Variants in HUNK observed in about 807,000 individuals in gnomAD.
HUNK encodes hormonally up-regulated Neu-associated kinase.
In HUNK, 21 loss-of-function variants were observed where a neutral mutation model predicts 61.0. The ratio of observed to expected loss-of-function variants is 0.34; its 90% CI spans 0.24 to 0.50. The LOEUF (loss-of-function observed/expected upper bound fraction) is 0.50, where lower values mean the gene tolerates loss of function less well. HUNK is among the 20% of genes least tolerant of loss of function. The pLI, the probability that HUNK is intolerant of heterozygous loss-of-function variation, is 0.98. For missense variants in HUNK, 772 were observed against 945.7 expected (o/e 0.82, Z 2.41); for synonymous variants, 371 against 386.1 (o/e 0.96, Z 0.46).
chr21:31,981,874 A>G (rs1282032471), intron 7 of HUNK, among the ~76,000 whole-genome samples: 1 of 152,056 alleles, frequency 6.6e-6, no homozygotes, highest in East Asian at 1.9e-4. Flanking sequence ...TATTTAGTTT[A>G]ACAATTTCCC....
At chr21:31,900,534 C>T (rs949588352) in intron 1 of HUNK, among the ~76,000 whole-genome samples, 2 of 151,794 alleles carry the variant, frequency 1.3e-5, no homozygotes, top group African/African-American at 4.8e-5. Flanking sequence ...TTGACAGACT[C>T]GGTAGAATGC....
rs112917962 is a variant in HUNK at position 31,935,921 on chromosome 21, C to T, written c.555-4244C>T. 3.0e-4 allele frequency among the ~76,000 whole-genome samples: 46 copies of T among 152,154 alleles called. No individual in the cohort carries two copies. In the East Asian group the frequency reaches 7.7e-3, roughly 26 times the overall value. The stretch of plus-strand genomic sequence containing the variant: ...GCAACCTCCGCCTCCCGGGTTCAGG[C>T]GAGTAGCTGGGATTACAGGTGTGTG... On this transcript the variant is annotated intron_variant, in intron 2 of 10. Coordinates refer to ENST00000270112, the MANE Select transcript of HUNK (RefSeq NM_014586.2).
At chr21:31,949,787 C>T (rs952359589) in intron 4 of HUNK, among the ~76,000 whole-genome samples, 5 of 152,166 alleles carry the variant, frequency 3.3e-5, no homozygotes, top group African/African-American at 9.7e-5. Flanking sequence ...GGCCCCAGGC[C>T]GCTTCCACTC....
chr21:31,966,472 A>C, intron 5 of HUNK, among the ~76,000 whole-genome samples: 1 of 152,114 alleles, frequency 6.6e-6, no homozygotes, highest in Middle Eastern at 3.2e-3. Context: ...ATTGAAAGGG[A>C]GATGACCTGG....
intron 2 of HUNK, among the ~76,000 whole-genome samples, chr21:31,927,899 C>A (rs372268281): frequency 6.6e-6 from 1 of 152,196 alleles, no homozygotes; most frequent in South Asian, 2.1e-4. Flanking sequence ...TCTTCACATA[C>A]GTATTCTTAG....
chr21:31,878,856 T>G (rs900988402), intron 1 of HUNK, among the ~76,000 whole-genome samples: 1 of 152,230 alleles, frequency 6.6e-6, no homozygotes, highest in Non-Finnish European at 1.5e-5. Context: ...TCCATGCCAC[T>G]GTTACCTTTT....
At position 31,995,364 on chromosome 21, in the gene HUNK, A is replaced by C. The variant is rs143252871; in HGVS notation, c.1306-404A>C. Among the ~76,000 whole-genome samples, 35 of 152,336 alleles carry C rather than the reference A, an allele frequency of 2.3e-4. No individual in the cohort carries two copies. In the East Asian group the frequency reaches 6.0e-3, roughly 26 times the overall value. ...TAGAACCTGATGTGAAGGTGGAAGC[A>C]GTTATGTTTCCAGTTGCCTTTGCAA... On this transcript the variant is annotated intron_variant, in intron 9 of 10. Transcript: ENST00000270112.
At chr21:31,920,435 T>G (rs1437065650) in intron 1 of HUNK, among the ~76,000 whole-genome samples, 1 of 152,228 alleles carries the variant, frequency 6.6e-6, no homozygotes, top group Non-Finnish European at 1.5e-5. Context: ...CTGCTGGGCC[T>G]TTAGACTTGT....
intron 7 of HUNK, 134 bp from the exon 8 acceptor site, chr21:31,983,392 T>G: frequency 1.5e-6 from 1 of 688,860 alleles, no homozygotes; most frequent in South Asian, 1.8e-5. Flanking sequence ...TGAGACTTGA[T>G]GTTGCAATTT....
Position 31,990,162 on chromosome 21 carries a change from T to G in HUNK, c.1291T>G (p.Phe431Val). ...SLDTWTRDLE[F>V]HAVQDKKPKE... ...GGACACCTGGACACGAGATCTTGAA[T>G]TCCATGCCGTGCAGGTAAGAACTTG... The change falls in exon 9 of 11, where the codon TTC (phenylalanine) becomes GTC (valine). Residue 431 changes from phenylalanine (F) to valine (V), a missense_variant. This residue lies in a region of HUNK where 413 missense variants were observed against 444.4 expected (regional missense o/e 0.93). Coordinates refer to ENST00000270112, the MANE Select transcript of HUNK (RefSeq NM_014586.2). The G allele has an allele frequency of 6.2e-7, 1 of 1,613,916 alleles. No homozygotes were observed. Among genetic ancestry groups the G allele is most frequent in the Non-Finnish European group, 8.5e-7 (1 of 1,179,836 alleles).
chr21:31,939,978 T>C lies in HUNK; in HGVS notation c.555-187T>C, dbSNP rs538578582. ...GTCTGAAATTCTTCAGCTTTTATAG[T>C]CTACAGCAATTAATTATTAATATAT... On this transcript the variant is annotated intron_variant, in intron 2 of 10. Transcript: ENST00000270112. 7.2e-5 allele frequency among the ~76,000 whole-genome samples: 11 copies of C among 152,262 alleles called. No individual in the cohort carries two copies. In the South Asian group the frequency reaches 2.3e-3, roughly 32 times the overall value.
rs1293067389 is a variant in HUNK, at chr21:31,999,310, C to T, written c.*126C>T. 4.6e-6 allele frequency: 4 copies of T among 863,568 alleles called. No homozygotes were observed. In the East Asian group the frequency reaches 7.9e-5, roughly 17 times the overall value. The allele number at this position is 863,568 out of a possible 1,614,324, so 53.5% of individuals were successfully genotyped here. A position where few individuals can be genotyped will look rare whatever the true frequency, so the allele number is the denominator to read the frequency against. ...TCCTTAGTCCCACCTGTAGCTGAAT[C>T]CACAGACCCAAAGCCTGCACAACCC... On this transcript the variant is annotated 3_prime_UTR_variant, in exon 11 of 11. Transcript: ENST00000270112.
chr21:31,898,326 C>T (rs2052439866), intron 1 of HUNK, among the ~76,000 whole-genome samples: 2 of 152,246 alleles, frequency 1.3e-5, no homozygotes, highest in African/African-American at 2.4e-5. Context: ...AGTGCAATGG[C>T]GCGATCTCGG....
chr21:31,896,317 C>T (rs1013125459), intron 1 of HUNK, among the ~76,000 whole-genome samples: 2 of 152,192 alleles, frequency 1.3e-5, no homozygotes, highest in African/African-American at 4.8e-5. Context: ...TGCCGGGAAA[C>T]TTCACCTGAT....
intron 1 of HUNK, among the ~76,000 whole-genome samples, chr21:31,915,517 T>C (rs969935110): frequency 3.3e-5 from 5 of 152,226 alleles, no homozygotes; most frequent in African/African-American, 1.2e-4. Context: ...AAAACACATA[T>C]GTATATTTCT....
At chr21:31,952,429 C>T (rs2052856764) in intron 4 of HUNK, among the ~76,000 whole-genome samples, 1 of 152,210 alleles carries the variant, frequency 6.6e-6, no homozygotes. Context: ...CTCCTGTCCA[C>T]ATGCCCCTTA....
At chr21:31,912,093 G>A (rs1482284950) in intron 1 of HUNK, among the ~76,000 whole-genome samples, 2 of 152,086 alleles carry the variant, frequency 1.3e-5, no homozygotes, top group African/African-American at 4.8e-5. Context: ...GAAACACCTG[G>A]GATTGGGGTT....
chr21:31,941,759 C>T (rs768096041), intron 3 of HUNK, among the ~76,000 whole-genome samples: 2 of 152,066 alleles, frequency 1.3e-5, no homozygotes, highest in African/African-American at 4.8e-5. Flanking sequence ...AACAAAGGGG[C>T]CTCCTGGTGT....
chr21:31,919,651 T>C (rs532731508), intron 1 of HUNK, among the ~76,000 whole-genome samples: 1 of 152,302 alleles, frequency 6.6e-6, no homozygotes, highest in Admixed American at 6.5e-5. Flanking sequence ...AAAACCCTGA[T>C]ATGGGCTGGT....
Sources: gnomAD v4.1 joint callset for allele counts (sites outside exome capture counted in the v4.1 genomes callset) on GRCh38, gnomAD v4.1.1 for gene constraint, gnomAD v4.1.1 regional missense constraint, MANE v1.5 for transcripts, NCBI Gene and HGNC (gene_info 2026-07-23, HGNC 2026-07-21) for gene names.